The following KRT84 variants were observed in gnomAD, a reference collection of about 807,000 sequenced individuals.
The protein encoded by KRT84 is keratin 84.
KRT84 carries 38 observed loss-of-function variants against 49.0 expected under a neutral mutation model. The observed-to-expected ratio is 0.78, with a 90% confidence interval of 0.60 to 1.02. The LOEUF is 1.02. Among genes scored for constraint, KRT84 ranks in the 50% least tolerant of loss-of-function variants. The pLI, the probability that KRT84 is intolerant of heterozygous loss-of-function variation, is 0.00. For synonymous variants in KRT84, 334 were observed against 312.8 expected, an observed-to-expected ratio of 1.07 and a Z score of -0.72; for missense variants, 860 against 788.6, an observed-to-expected ratio of 1.09 and a Z score of -1.08.
At position 52,381,220 on chromosome 12, in the gene KRT84, G is replaced by T; in HGVS notation, c.1078-15C>A. The T allele has an allele frequency of 1.2e-6, 2 of 1,614,004 alleles. No individual in the cohort carries two copies. Among genetic ancestry groups the T allele is most frequent in the South Asian group, 2.2e-5 (2 of 91,050 alleles). On this transcript the variant is annotated splice_polypyrimidine_tract_variant and intron_variant, in intron 5 of 8. Transcript: ENST00000257951. Reference sequence around the variant, plus strand: ...ATCTCTTCATACTGCGGAGAGAGGAGGGTATTTTGAGGGTTCGGAGGTCAG... The same window carrying T: ...ATCTCTTCATACTGCGGAGAGAGGATGGTATTTTGAGGGTTCGGAGGTCAG...
intron 1 of KRT84, among the ~76,000 whole-genome samples, chr12:52,384,485 T>A (rs1939541208): frequency 6.6e-6 from 1 of 152,196 alleles, no homozygotes; most frequent in South Asian, 2.1e-4. Context: ...CCCTGCAATT[T>A]CCCTGAATCT....
intron 8 of KRT84, 84 bp from the exon 9 acceptor site, chr12:52,378,464 TGGTGGGGAGGG>T: frequency 9.2e-7 from 1 of 1,085,832 alleles, no homozygotes; most frequent in South Asian, 1.8e-5. Context: ...CCTCCGGGTC[TGGTGGGGAGGG>T]AGTGGGGTCA....
intron 3 of KRT84, 58 bp from the exon 4 acceptor site, chr12:52,382,590 C>A: frequency 7.2e-7 from 1 of 1,387,242 alleles, no homozygotes; most frequent in Non-Finnish European, 1.0e-6. Flanking sequence ...CACCTTCCCA[C>A]CTGTGTCTGG....
In KRT84 at chr12:52,378,202, G is replaced by A; in HGVS notation, c.1635C>T (p.Asp545=). The A allele has an allele frequency of 1.3e-6, 2 of 1,575,992 alleles. No individual in the cohort carries two copies. Among genetic ancestry groups the A allele is most frequent in the Non-Finnish European group, 8.6e-7 (1 of 1,161,986 alleles). The change falls in exon 9 of 9, where the codon GAC becomes GAT. Residue 545 remains aspartate, a synonymous_variant. Coordinates refer to ENST00000257951, the MANE Select transcript of KRT84 (RefSeq NM_033045.4). ...CACTCCTTGTGCCAGTGCTCAGCAG[G>A]TCCCCAGTGGCCGGGGCGACCCGGG... ...GGARVAPATG[D]LLSTGTRSGS... is the part of the protein sequence containing the mutation.
chr12:52,382,506 C>G lies in KRT84; in HGVS notation c.843G>C (p.Lys281Asn). 6.2e-7 allele frequency: 1 copy of G among 1,614,040 alleles called. No individual in the cohort carries two copies. Among genetic ancestry groups the G allele is most frequent in the Non-Finnish European group, 8.5e-7 (1 of 1,179,908 alleles). ...KKDVDAAFMN[K>N]SDLEANVDTL... ...TATCCACGTTGGCCTCGAGATCAGA[C>G]TTGTTCATGAAAGCTGCATCCACAT... The change falls in exon 4 of 9, where the codon AAG (lysine) becomes AAC (asparagine). Residue 281 changes from lysine (K) to asparagine (N), a missense_variant. By Grantham distance (94) the Lys-to-Asn change is moderately conservative. Transcript: ENST00000257951.
chr12:52,385,188 G>A lies in KRT84; in HGVS notation c.398C>T (p.Ala133Val). ...GYRVGGVGVP[A>V]APSITAVTVN... ...AGTCACAGCTGTGATAGATGGGGCT[G>A]CTGGGACTCCAACCCCTCCAACTCT... Residue 133 changes from alanine (A) to valine (V), a missense_variant, in exon 1 of 9, where the codon GCA becomes GTA. Physicochemically the swap from Ala to Val is moderately conservative, Grantham distance 64. Transcript: ENST00000257951. The A allele has an allele frequency of 6.2e-7, 1 of 1,609,566 alleles. No homozygotes were observed. The highest frequency in any genetic ancestry group is 1.1e-5 in the South Asian group (1 of 90,542).
upstream of KRT84, among the ~76,000 whole-genome samples, chr12:52,386,394 T>A (rs1380741509): frequency 1.2e-4 from 8 of 65,196 alleles, no homozygotes; most frequent in Admixed American, 1.7e-4. Context: ...TTATCTTAAA[T>A]TTTTTTTTTT....
chr12:52,385,398 G>C lies in KRT84; in HGVS notation c.188C>G (p.Pro63Arg). The C allele has an allele frequency of 6.2e-7, 1 of 1,614,186 alleles. No homozygotes were observed. Among genetic ancestry groups the C allele is most frequent in the East Asian group, 2.2e-5 (1 of 44,878 alleles). The change falls in exon 1 of 9, where the codon CCC (proline) becomes CGC (arginine). Residue 63 changes from proline (P) to arginine (R), a missense_variant. Coordinates refer to ENST00000257951, the MANE Select transcript of KRT84 (RefSeq NM_033045.4). ...CCGAGAGCCTACAGCTGCTATCCGGGGTGAGTACGATCCAAAGGTGATGAC... is the reference window on the plus strand; with the variant it reads ...CCGAGAGCCTACAGCTGCTATCCGGCGTGAGTACGATCCAAAGGTGATGAC... ...RSVITFGSYS[P>R]RIAAVGSRPI...
At chr12:52,378,670 A>G (rs1592146111) in intron 8 of KRT84, among the ~76,000 whole-genome samples, 1 of 152,236 alleles carries the variant, frequency 6.6e-6, no homozygotes, top group African/African-American at 2.4e-5. Context: ...ATATACGGCT[A>G]AAGTCAAGTT....
rs750220152 is a variant in KRT84 at position 52,379,857 on chromosome 12, G to GA, written c.1456+18dup. On this transcript the variant is annotated intron_variant, in intron 8 of 8. Transcript: ENST00000257951. ...GAAGAGGAGAGAAATGTGTGAAGAG[G>GA]AAAAAACAAGTTTCTTACATATGTT... is the stretch of plus-strand genomic sequence containing the variant. The GA allele has an allele frequency of 2.4e-5, 39 of 1,602,456 alleles. No individual in the cohort carries two copies. The African/African-American group carries it at 4.7e-4, about 19-fold the overall frequency.
chr12:52,385,116 T>C lies in KRT84; in HGVS notation c.470A>G (p.Asn157Ser), dbSNP rs757150098. The change falls in exon 1 of 9, where the codon AAT becomes AGT. Residue 157 changes from asparagine to serine, a missense_variant. Transcript: ENST00000257951. ...LTPLNLEIDP[N>S]AQRVKKDEKE... is the part of the protein sequence containing the mutation. ...CTCATCCTTCTTCACCCTCTGGGCA[T>C]TGGGGTCAATCTCCAGGTTGAGGGG... The C allele has an allele frequency of 6.2e-6, 10 of 1,600,362 alleles. No homozygotes were observed. The highest frequency in any genetic ancestry group is 5.1e-5 in the Admixed American group (3 of 58,852).
intron 8 of KRT84, 128 bp downstream of exon 8, chr12:52,379,748 C>A (rs969632483): frequency 3.9e-6 from 3 of 759,782 alleles, no homozygotes; most frequent in Non-Finnish European, 7.0e-6. Flanking sequence ...GCTGGATGGT[C>A]CCAGCTCCCC....
rs1592147106 is a variant in KRT84 at position 52,381,085 on chromosome 12, C to A, written c.1198G>T (p.Ala400Ser). The change falls in exon 6 of 9, where the codon GCT (alanine) becomes TCT (serine). Residue 400 changes from alanine to serine, a missense_variant. Transcript: ENST00000257951. ...CCCTCCTTTCCTTTGCCCACCTGAGCCTTGGCGTGCTCAATCTCTGCCTTA... is the reference window on the plus strand; with the variant it reads ...CCCTCCTTTCCTTTGCCCACCTGAGACTTGGCGTGCTCAATCTCTGCCTTA... Reference protein sequence around the residue: ...RLKAEIEHAKAQRAKLEAAVA... With the variant: ...RLKAEIEHAKSQRAKLEAAVA... 3 of 1,613,920 alleles carry A rather than the reference C, an allele frequency of 1.9e-6. No individual in the cohort carries two copies. The South Asian group carries it at 3.3e-5, about 18-fold the overall frequency.
At position 52,385,611 on chromosome 12, in the gene KRT84, G is replaced by A; in HGVS notation, c.-26C>T. ...GATGGCTTCCTGGTTGGGAGCAAAA[G>A]AGCAAGTGTAGAATGGGTGAGCTGG... On this transcript the variant is annotated 5_prime_UTR_variant, in exon 1 of 9. Coordinates refer to ENST00000257951, the MANE Select transcript of KRT84 (RefSeq NM_033045.4). The A allele has an allele frequency of 1.2e-6, 2 of 1,603,414 alleles. No individual in the cohort carries two copies. The highest frequency in any genetic ancestry group is 2.2e-5 in the South Asian group (2 of 89,510).
upstream of KRT84, among the ~76,000 whole-genome samples, chr12:52,385,957 G>A (rs1338871935): frequency 1.3e-5 from 2 of 152,152 alleles, no homozygotes; most frequent in East Asian, 3.8e-4. Flanking sequence ...GGTCATAAAT[G>A]CAATAGGTTT....
At position 52,381,412 on chromosome 12, in the gene KRT84, C is replaced by T; in HGVS notation, c.1026G>A (p.Glu342=). Residue 342 remains glutamate, a synonymous_variant, in exon 5 of 9, where the codon GAG becomes GAA. Coordinates refer to ENST00000257951, the MANE Select transcript of KRT84 (RefSeq NM_033045.4). ...GIIAEVKAQY[E]EVARRSRADA... is the part of the protein sequence containing the mutation. ...CAGCCCGGCTGCGCCTGGCCACCTCCTCATACTGGGCCTTGACCTCAGCAA... is the reference window on the plus strand; with the variant it reads ...CAGCCCGGCTGCGCCTGGCCACCTCTTCATACTGGGCCTTGACCTCAGCAA... 1.2e-6 allele frequency: 2 copies of T among 1,614,194 alleles called. No individual in the cohort carries two copies. Among genetic ancestry groups the T allele is most frequent in the Non-Finnish European group, 8.5e-7 (1 of 1,180,046 alleles).
rs1939411641 is a variant in KRT84, at chr12:52,377,845, T to C, written c.*189A>G. The stretch of plus-strand genomic sequence containing the variant: ...TAGCTGGAACTGCTAATGGAGCATC[T>C]ACATGGCAGAAAAATCCTCCAAGAG... On this transcript the variant is annotated 3_prime_UTR_variant, in exon 9 of 9. Coordinates refer to ENST00000257951, the MANE Select transcript of KRT84 (RefSeq NM_033045.4). 2.3e-6 allele frequency: 1 copy of C among 428,112 alleles called. No individual in the cohort carries two copies. Among genetic ancestry groups the C allele is most frequent in the East Asian group, 3.6e-5 (1 of 28,044 alleles). The allele number at this position is 428,112 out of a possible 1,614,324, so 26.5% of individuals were successfully genotyped here.
rs905181036 is a variant in KRT84, at chr12:52,385,394, C to T, written c.192G>A (p.Arg64=). 6 of 1,614,208 alleles carry T rather than the reference C, an allele frequency of 3.7e-6. No individual in the cohort carries two copies. In the Admixed American group the frequency reaches 8.3e-5, roughly 22 times the overall value. ...SVITFGSYSP[R]IAAVGSRPIH... is the part of the protein sequence containing the mutation. ...TGGGCCGAGAGCCTACAGCTGCTAT[C>T]CGGGGTGAGTACGATCCAAAGGTGA... The change falls in exon 1 of 9, where the codon CGG becomes CGA. Residue 64 remains arginine (R), a synonymous_variant. Coordinates refer to ENST00000257951, the MANE Select transcript of KRT84 (RefSeq NM_033045.4).
intron 1 of KRT84, among the ~76,000 whole-genome samples, chr12:52,384,089 A>G (rs1361675320): frequency 6.6e-6 from 1 of 152,224 alleles, no homozygotes; most frequent in African/African-American, 2.4e-5. Context: ...AGGAAGTTGG[A>G]AGGGTTGATT....
Sources: allele counts gnomAD v4.1 joint callset (sites outside exome capture counted in the v4.1 genomes callset), GRCh38; gene constraint gnomAD v4.1.1; transcripts MANE v1.5; gene names NCBI Gene and HGNC (gene_info 2026-07-23, HGNC 2026-07-21).